Variants in SGCZ observed in about 807,000 individuals in gnomAD.
SGCZ encodes zeta-sarcoglycan.
In SGCZ, 40 loss-of-function variants were observed where a neutral mutation model predicts 41.3. That is an observed-to-expected ratio of 0.97 (90% CI 0.75 to 1.26). The LOEUF (loss-of-function observed/expected upper bound fraction) is 1.26. Among genes scored for constraint, SGCZ ranks in the 50% most tolerant of loss-of-function variants. The pLI, the probability that SGCZ is intolerant of heterozygous loss-of-function variation, is 0.00. For synonymous variants in SGCZ, 206 were observed against 137.5 expected (o/e 1.50, Z -3.49); for missense variants, 552 against 369.8 (o/e 1.49, Z -4.04).
intron 4 of SGCZ, among the ~76,000 whole-genome samples, chr8:14,188,827 T>G (rs1162709846): frequency 1.1e-4 from 6 of 53,732 alleles, no homozygotes; most frequent in African/African-American, 1.8e-4. Context: ...TTTCTTTGTT[T>G]TTTTTTGTTT....
intron 1 of SGCZ, among the ~76,000 whole-genome samples, chr8:15,114,366 A>G (rs889292163): frequency 2.6e-5 from 4 of 152,128 alleles, no homozygotes; most frequent in African/African-American, 9.7e-5. Context: ...GTTGTATTAG[A>G]TGGTCTCAGC....
chr8:14,367,895 G>C (rs1021082247), intron 2 of SGCZ, among the ~76,000 whole-genome samples: 7 of 152,012 alleles, frequency 4.6e-5, no homozygotes, highest in Admixed American at 4.6e-4. Context: ...TTGCCCACCA[G>C]AGCAAGAAAA....
Position 14,090,566 on chromosome 8 carries a change from G to T in SGCZ, c.816C>A (p.Ser272Arg), listed in dbSNP as rs779827769. ...ACACTGTCTGTCGAGAACTTGAGGA[G>T]CTGGGTGAAGAAGATGAGAAGGAGC... ...PTGSFSSSSPSSSSSRQTVYE... is the reference protein window; with the variant it reads ...PTGSFSSSSPRSSSSRQTVYE... Residue 272 changes from serine (S) to arginine (R), a missense_variant, in exon 8 of 8, where the codon AGC becomes AGA. Physicochemically the swap from Ser to Arg is moderately radical, Grantham distance 110 (BLOSUM62 -1). Coordinates refer to ENST00000382080, the MANE Select transcript of SGCZ (RefSeq NM_139167.4). 2.5e-6 allele frequency: 4 copies of T among 1,613,046 alleles called. No homozygotes were observed. The highest frequency in any genetic ancestry group is 4.5e-5 in the East Asian group (2 of 44,836).
At chr8:14,657,418 A>G (rs1807611419) in intron 1 of SGCZ, among the ~76,000 whole-genome samples, 1 of 152,104 alleles carries the variant, frequency 6.6e-6, no homozygotes, top group South Asian at 2.1e-4. Flanking sequence ...TAAAATGGGG[A>G]TATATTTTGA....
intron 1 of SGCZ, among the ~76,000 whole-genome samples, chr8:14,707,208 A>G (rs1349713741): frequency 2.9e-5 from 3 of 103,078 alleles, no homozygotes; most frequent in African/African-American, 1.1e-4. Context: ...AACAGTCCCC[A>G]GTGTGTGATG....
chr8:14,326,585 G>A (rs956629888), intron 2 of SGCZ, among the ~76,000 whole-genome samples: 10 of 152,070 alleles, frequency 6.6e-5, no homozygotes, highest in Non-Finnish European at 1.3e-4. Context: ...TGAGAGTGAA[G>A]AAATTTGTTC....
At chr8:14,768,230 C>A (rs2130382154) in intron 1 of SGCZ, among the ~76,000 whole-genome samples, 1 of 152,278 alleles carries the variant, frequency 6.6e-6, no homozygotes, top group Non-Finnish European at 1.5e-5. Context: ...ATATAGTCTC[C>A]TAACATTCTC....
At chr8:14,696,405 G>A (rs150363022) in intron 1 of SGCZ, among the ~76,000 whole-genome samples, 5 of 152,208 alleles carry the variant, frequency 3.3e-5, no homozygotes, top group African/African-American at 1.2e-4. Context: ...CTGATAACAA[G>A]CTGTTTATTA....
intron 1 of SGCZ, among the ~76,000 whole-genome samples, chr8:15,096,165 C>T (rs534613521): frequency 1.3e-5 from 2 of 151,950 alleles, no homozygotes; most frequent in South Asian, 2.1e-4. Context: ...GCAATGTCTA[C>T]CTCCAGGTTC....
intron 5 of SGCZ, among the ~76,000 whole-genome samples, chr8:14,148,104 G>A (rs987509511): frequency 2.0e-5 from 3 of 151,972 alleles, no homozygotes; most frequent in East Asian, 1.9e-4. Context: ...CAAAAAAGAG[G>A]AAAGCCTTCA....
intron 1 of SGCZ, among the ~76,000 whole-genome samples, chr8:15,207,444 G>T (rs1025748523): frequency 3.3e-5 from 5 of 152,078 alleles, no homozygotes; most frequent in Admixed American, 2.0e-4. Flanking sequence ...AGAGACAAAA[G>T]AATAATCAAA....
chr8:14,693,922 C>T (rs1247391327), intron 1 of SGCZ, among the ~76,000 whole-genome samples: 5 of 152,076 alleles, frequency 3.3e-5, no homozygotes, highest in Non-Finnish European at 7.4e-5. Flanking sequence ...AATTAATTTT[C>T]AGCCACACTG....
chr8:15,107,387 C>T (rs552073133), intron 1 of SGCZ, among the ~76,000 whole-genome samples: 3 of 152,250 alleles, frequency 2.0e-5, no homozygotes, highest in Admixed American at 2.0e-4. Flanking sequence ...GAGGAGATCC[C>T]TCATGCATAG....
At chr8:14,640,966 A>C (rs1006158165) in intron 1 of SGCZ, among the ~76,000 whole-genome samples, 1 of 151,698 alleles carries the variant, frequency 6.6e-6, no homozygotes, top group African/African-American at 2.4e-5. Context: ...CTATAAAGTT[A>C]ATGTTGGTAT....
chr8:15,017,891 T>C (rs1230404265), intron 1 of SGCZ, among the ~76,000 whole-genome samples: 1 of 152,154 alleles, frequency 6.6e-6, no homozygotes, highest in Admixed American at 6.6e-5. Flanking sequence ...CTTATCTCTT[T>C]GCAATTCAAA....
intron 2 of SGCZ, among the ~76,000 whole-genome samples, chr8:14,328,572 C>T (rs541011582): frequency 6.6e-6 from 1 of 152,104 alleles, no homozygotes; most frequent in African/African-American, 2.4e-5. Flanking sequence ...ATAGTTTTAA[C>T]TATTATTAAC....
At chr8:14,661,834 A>C (rs11988953) in intron 1 of SGCZ, among the ~76,000 whole-genome samples, 51,449 of 144,392 alleles carry the variant, frequency 0.36, 11,225 homozygotes, top group African/African-American at 0.63. Flanking sequence ...ATGTGATCTC[A>C]AATTGTTAAA....
At chr8:15,070,873 T>A (rs980560247) in intron 1 of SGCZ, among the ~76,000 whole-genome samples, 5 of 152,140 alleles carry the variant, frequency 3.3e-5, no homozygotes, top group African/African-American at 1.2e-4. Flanking sequence ...CACTGAGGTG[T>A]TCATCTCGGA....
chr8:14,811,012 T>G (rs1801721971), intron 1 of SGCZ, among the ~76,000 whole-genome samples: 2 of 152,036 alleles, frequency 1.3e-5, no homozygotes, highest in Admixed American at 1.3e-4. Flanking sequence ...TTTTAGTACA[T>G]CTTTCCCCCA....
Sources: gnomAD v4.1 joint callset for allele counts (sites outside exome capture counted in the v4.1 genomes callset) on GRCh38, gnomAD v4.1.1 for gene constraint, MANE v1.5 for transcripts, NCBI Gene and HGNC (gene_info 2026-07-23, HGNC 2026-07-21) for gene names.